MYBPHL: variants seen among roughly 807,000 people sequenced by gnomAD.
MYBPHL encodes myosin-binding protein H-like.
MYBPHL carries 32 observed loss-of-function variants against 39.5 expected under a neutral mutation model. That is an observed-to-expected ratio of 0.81 (90% CI 0.61 to 1.09). MYBPHL has a LOEUF of 1.09. Among genes scored for constraint, MYBPHL ranks in the 50% least tolerant of loss-of-function variants. The probability of loss-of-function intolerance (pLI) is 0.00; values close to 1 mark genes in which losing one functional copy is unlikely to be tolerated. For synonymous variants in MYBPHL, 196 were observed against 183.7 expected (o/e 1.07, Z -0.54); for missense variants, 456 against 460.2 (o/e 0.99, Z 0.08).
intron 3 of MYBPHL, 76 bp downstream of exon 3, chr1:109,297,344 GCT>G: frequency 6.4e-7 from 1 of 1,559,870 alleles, no homozygotes; most frequent in Non-Finnish European, 8.7e-7. Context: ...AGCTTCCCCA[GCT>G]CTCTGAGCTG....
intron 1 of MYBPHL, among the ~76,000 whole-genome samples, chr1:109,300,341 G>A (rs1658236923): frequency 6.6e-6 from 1 of 152,208 alleles, no homozygotes; most frequent in African/African-American, 2.4e-5. Context: ...CCAGCAATGA[G>A]CACCATAGTC....
At chr1:109,305,412 A>C (rs574555987) in intron 1 of MYBPHL, among the ~76,000 whole-genome samples, 1 of 152,334 alleles carries the variant, frequency 6.6e-6, no homozygotes, top group Admixed American at 6.5e-5. Flanking sequence ...TGCAGTGTAC[A>C]GAGCTGCTGC....
chr1:109,305,986 G>C (rs1056498130), intron 1 of MYBPHL, among the ~76,000 whole-genome samples: 7 of 152,360 alleles, frequency 4.6e-5, no homozygotes, highest in East Asian at 3.9e-4. Flanking sequence ...CCAGTGACTT[G>C]TCCAAGGTCA....
chr1:109,294,215 A>G lies in MYBPHL; in HGVS notation c.*24T>C. On this transcript the variant is annotated 3_prime_UTR_variant, in exon 8 of 9. Transcript: ENST00000357155. The stretch of plus-strand genomic sequence containing the variant: ...GCCTCTCTTTACTTACCTTTGTCAG[A>G]GTACCATGCCTTCTTAGGTGTCCTC... 1 of 1,595,924 alleles carries G rather than the reference A, an allele frequency of 6.3e-7. No individual in the cohort carries two copies. The highest frequency in any genetic ancestry group is 8.6e-7 in the Non-Finnish European group (1 of 1,163,258).
At chr1:109,297,270 T>C (rs1658111158) in intron 3 of MYBPHL, 81 bp from the exon 4 acceptor site, 23 of 1,598,962 alleles carry the variant, frequency 1.4e-5, no homozygotes, top group Non-Finnish European at 1.9e-5. Flanking sequence ...TAGCCCCTTT[T>C]TCTCCTCAGT....
rs771100733 is a variant in MYBPHL, at chr1:109,296,904, G to C, written c.609C>G (p.Ser203Arg). The C allele has an allele frequency of 8.1e-6, 13 of 1,614,064 alleles. No homozygotes were observed. Among genetic ancestry groups the C allele is most frequent in the Non-Finnish European group, 1.1e-5 (13 of 1,180,046 alleles). ...CGATGATGAGGTCAGAGACGATGCA[G>C]CTGGTGCGGTGATAGTGCTCCAGCA... Reference protein sequence around the residue: ...FTVLEHYHRTSCIVSDLIIGN... With the variant: ...FTVLEHYHRTRCIVSDLIIGN... The change falls in exon 5 of 9, where the codon AGC becomes AGG. Residue 203 changes from serine (S) to arginine (R), a missense_variant. By Grantham distance (110) the Ser-to-Arg change is moderately radical (BLOSUM62 -1). Transcript: ENST00000357155.
Position 109,293,107 on chromosome 1 carries a change from C to A in MYBPHL, c.*34-519G>T, listed in dbSNP as rs548396805. On this transcript the variant is annotated intron_variant, in intron 8 of 8. Transcript: ENST00000357155. ...CAAAGTAAAAAACAAATATATTAAT[C>A]CATTTTTTTTTACCATGCTCATGAT... The A allele has an allele frequency of 3.3e-5, 5 of 152,206 alleles. No individual in the cohort carries two copies. In the South Asian group the frequency reaches 1.0e-3, roughly 32 times the overall value. The allele number at this position is 152,206 out of a possible 1,614,324, so 9.4% of individuals were successfully genotyped here.
intron 1 of MYBPHL, among the ~76,000 whole-genome samples, chr1:109,305,832 C>A (rs534283126): frequency 6.6e-6 from 1 of 152,350 alleles, no homozygotes; most frequent in East Asian, 1.9e-4. Context: ...TCACCTCTCA[C>A]TTGGAAATAT....
chr1:109,303,082 GA>G (rs1418275167), intron 1 of MYBPHL, among the ~76,000 whole-genome samples: 1 of 152,218 alleles, frequency 6.6e-6, no homozygotes, highest in East Asian at 1.9e-4. Flanking sequence ...ACTATCTGCA[GA>G]ATAGTTTTTA....
chr1:109,302,063 A>G (rs559899696), intron 1 of MYBPHL, among the ~76,000 whole-genome samples: 67 of 148,174 alleles, frequency 4.5e-4, no homozygotes, highest in African/African-American at 1.6e-3. Context: ...GTGTGAGTGT[A>G]TGTGTGTGAA....
chr1:109,296,895 G>A lies in MYBPHL; in HGVS notation c.618C>T (p.Val206=). 6.2e-7 allele frequency: 1 copy of A among 1,614,182 alleles called. No individual in the cohort carries two copies. The highest frequency in any genetic ancestry group is 1.1e-5 in the South Asian group (1 of 91,080). The change falls in exon 5 of 9, where the codon GTC becomes GTT. Residue 206 remains valine, a synonymous_variant. Transcript: ENST00000357155. The part of the protein sequence containing the change: ...LEHYHRTSCI[V]SDLIIGNSYA... ...AGGAGTTGCCGATGATGAGGTCAGA[G>A]ACGATGCAGCTGGTGCGGTGATAGT...
At chr1:109,306,609 A>C (rs2101495570) in intron 1 of MYBPHL, among the ~76,000 whole-genome samples, 1 of 152,356 alleles carries the variant, frequency 6.6e-6, no homozygotes, top group East Asian at 1.9e-4. Context: ...AGTGCCACCA[A>C]CACCATCACT....
chr1:109,297,217 C>A (rs545205280), intron 3 of MYBPHL, 28 bp from the exon 4 acceptor site: 3 of 1,614,104 alleles, frequency 1.9e-6, no homozygotes, highest in Non-Finnish European at 2.5e-6. Flanking sequence ...TGGCAGTGGG[C>A]GTGGAACATC....
intron 1 of MYBPHL, among the ~76,000 whole-genome samples, chr1:109,298,559 A>T (rs191979413): frequency 2.4e-4 from 36 of 152,186 alleles, no homozygotes; most frequent in Non-Finnish European, 4.1e-4. Flanking sequence ...TTCCATCCTG[A>T]TGGAGGCATT....
chr1:109,304,344 G>A (rs1191334495), intron 1 of MYBPHL, among the ~76,000 whole-genome samples: 1 of 152,222 alleles, frequency 6.6e-6, no homozygotes, highest in Non-Finnish European at 1.5e-5. Flanking sequence ...TCCTAGGCAT[G>A]AGATTCAGTT....
intron 3 of MYBPHL, 67 bp from the exon 4 acceptor site, chr1:109,297,256 G>A (rs1358696864): frequency 1.2e-6 from 2 of 1,606,412 alleles, no homozygotes; most frequent in African/African-American, 1.3e-5. Context: ...CTTCAGGAGT[G>A]CCCTAGCCCC....
Position 109,294,267 on chromosome 1 carries a change from T to C in MYBPHL, c.1055-18A>G, listed in dbSNP as rs1471878766. The C allele has an allele frequency of 1.2e-6, 2 of 1,608,624 alleles. No homozygotes were observed. The highest frequency in any genetic ancestry group is 1.7e-5 in the Admixed American group (1 of 60,000). ...ATTAGGAACTGTAATAATTCGGACATTTCTCAGTGTTAACATCTCAGAAAT... is the reference window on the plus strand; with the variant it reads ...ATTAGGAACTGTAATAATTCGGACACTTCTCAGTGTTAACATCTCAGAAAT... On this transcript the variant is annotated intron_variant, in intron 7 of 8. Transcript: ENST00000357155.
intron 1 of MYBPHL, among the ~76,000 whole-genome samples, chr1:109,299,824 C>T (rs771673981): frequency 6.6e-6 from 1 of 152,240 alleles, no homozygotes; most frequent in Non-Finnish European, 1.5e-5. Flanking sequence ...CCTGCTGTGG[C>T]TGCCCTCGGC....
intron 5 of MYBPHL, 69 bp from the exon 6 acceptor site, chr1:109,296,439 G>GT: frequency 1.4e-6 from 2 of 1,476,244 alleles, no homozygotes; most frequent in Non-Finnish European, 1.8e-6. Context: ...TTTATCCTTA[G>GT]TATTTTTTTT....
Sources: allele counts gnomAD v4.1 joint callset (sites outside exome capture counted in the v4.1 genomes callset), GRCh38; gene constraint gnomAD v4.1.1; transcripts MANE v1.5; gene names NCBI Gene and HGNC (gene_info 2026-07-23, HGNC 2026-07-21).